Variants in TMEM14B observed in about 807,000 individuals in gnomAD.
TMEM14B encodes transmembrane protein 14B.
A neutral mutation model predicts 14.8 loss-of-function variants in TMEM14B; 9 were observed. The ratio of observed to expected loss-of-function variants is 0.61; its 90% CI spans 0.37 to 1.06. The LOEUF is 1.06. Among genes scored for constraint, TMEM14B ranks in the 50% least tolerant of loss-of-function variants. The probability of loss-of-function intolerance (pLI) is 0.01; values close to 1 mark genes in which losing one functional copy is unlikely to be tolerated. For missense variants in TMEM14B, 128 were observed against 143.6 expected, an observed-to-expected ratio of 0.89 and a Z score of 0.56; for synonymous variants, 40 against 51.3, an observed-to-expected ratio of 0.78 and a Z score of 0.94.
In TMEM14B at chr6:10,756,709, A is replaced by C; in HGVS notation, c.*191A>C. The C allele has an allele frequency of 7.5e-7, 1 of 1,337,968 alleles. No homozygotes were observed. Among genetic ancestry groups the C allele is most frequent in the Non-Finnish European group, 9.6e-7 (1 of 1,043,634 alleles). The allele number at this position is 1,337,968 out of a possible 1,614,324, so 82.9% of individuals were successfully genotyped here. A position where few individuals can be genotyped will look rare whatever the true frequency, so the allele number is the denominator to read the frequency against. ...TTATAACCCTACAGAGGTGGTGAGCATGTAACATGAGCTTATTGAGACCAT... is the reference window on the plus strand; with the variant it reads ...TTATAACCCTACAGAGGTGGTGAGCCTGTAACATGAGCTTATTGAGACCAT... On this transcript the variant is annotated 3_prime_UTR_variant, in exon 6 of 6. Coordinates refer to ENST00000379542, the MANE Select transcript of TMEM14B (RefSeq NM_030969.5).
intron 2 of TMEM14B, 53 bp downstream of exon 2, chr6:10,749,321 G>C (rs1771459764): frequency 6.2e-7 from 1 of 1,607,212 alleles, no homozygotes; most frequent in Non-Finnish European, 8.5e-7. Context: ...GGAAACCAGA[G>C]TTCCTTTCCT....
intron 3 of TMEM14B, 184 bp downstream of exon 3, chr6:10,749,882 T>G: frequency 1.4e-6 from 1 of 703,944 alleles, no homozygotes; most frequent in Non-Finnish European, 2.5e-6. Flanking sequence ...CTGGTGAAGC[T>G]GAGCCAGGCC....
rs767381353 is a variant in TMEM14B at position 10,751,184 on chromosome 6, T to A, written c.152T>A (p.Leu51Gln). 2 of 1,614,006 alleles carry A rather than the reference T, an allele frequency of 1.2e-6. No homozygotes were observed. ...CTGCTCTTCGGCAGTCTAGCCGGCC[T>A]GGGTGCTTACCAGCTGTATCAGGAT... is the stretch of plus-strand genomic sequence containing the variant. The part of the protein sequence containing the change: ...AGLLFGSLAG[L>Q]GAYQLYQDPR... Residue 51 changes from leucine (L) to glutamine (Q), a missense_variant, in exon 4 of 6, where the codon CTG (leucine) becomes CAG (glutamine). By Grantham distance (113) the Leu-to-Gln change is moderately radical. Transcript: ENST00000379542.
chr6:10,754,048 C>A (rs999006856), intron 4 of TMEM14B, among the ~76,000 whole-genome samples: 4 of 152,058 alleles, frequency 2.6e-5, no homozygotes, highest in Non-Finnish European at 4.4e-5. Context: ...CCAAGGCAGG[C>A]GGATTGCCGA....
intron 4 of TMEM14B, 21 bp downstream of exon 4, chr6:10,751,255 C>T (rs548560408): frequency 4.3e-6 from 7 of 1,612,698 alleles, no homozygotes; most frequent in African/African-American, 4.0e-5. Context: ...TTCAGCGTCT[C>T]CTTAGGGCAA....
At chr6:10,748,626 T>C (rs1437805507) in intron 1 of TMEM14B, among the ~76,000 whole-genome samples, 4 of 152,208 alleles carry the variant, frequency 2.6e-5, no homozygotes, top group African/African-American at 7.2e-5. Context: ...CAGAATACTT[T>C]TCTGTAAGAA....
At chr6:10,757,159 CTG>C (rs1561916937), downstream of TMEM14B, among the ~76,000 whole-genome samples, 1 of 151,850 alleles carries the variant, frequency 6.6e-6, no homozygotes, top group Non-Finnish European at 1.5e-5. Context: ...AAAATGATCT[CTG>C]AGGATTTTTT....
chr6:10,756,490 G>C lies in TMEM14B; in HGVS notation c.317G>C (p.Gly106Ala). ...GASLLMAAKVGVRMLMTSD is the reference protein window; with the variant it reads ...GASLLMAAKVAVRMLMTSD ...AGTTTGCTGATGGCCGCCAAAGTTG[G>C]AGTTCGTATGTTGATGACATCTGAT... Residue 106 changes from glycine to alanine, a missense_variant, in exon 6 of 6, where the codon GGA becomes GCA. Physicochemically the swap from Gly to Ala is moderately conservative, Grantham distance 60 (BLOSUM62 0). Coordinates refer to ENST00000379542, the MANE Select transcript of TMEM14B (RefSeq NM_030969.5). The C allele has an allele frequency of 6.2e-7, 1 of 1,613,976 alleles. No individual in the cohort carries two copies. Among genetic ancestry groups the C allele is most frequent in the Non-Finnish European group, 8.5e-7 (1 of 1,179,946 alleles).
chr6:10,748,781 T>C (rs1400424345), intron 1 of TMEM14B, among the ~76,000 whole-genome samples: 1 of 152,152 alleles, frequency 6.6e-6, no homozygotes, highest in Non-Finnish European at 1.5e-5. Context: ...AGTATTGAAA[T>C]TGGCTGTTGC....
chr6:10,753,849 A>G (rs569836012), intron 4 of TMEM14B, among the ~76,000 whole-genome samples: 1 of 151,406 alleles, frequency 6.6e-6, no homozygotes, highest in Admixed American at 6.6e-5. Flanking sequence ...CTGCACAGCC[A>G]TCGTCCTAGT....
chr6:10,748,337 C>T (rs1581609150), intron 1 of TMEM14B, among the ~76,000 whole-genome samples: 1 of 152,250 alleles, frequency 6.6e-6, no homozygotes, highest in East Asian at 1.9e-4. Context: ...CCTCTGCCTC[C>T]TGGGCTCAAG....
At chr6:10,751,566 C>T (rs1771570930) in intron 4 of TMEM14B, among the ~76,000 whole-genome samples, 1 of 152,070 alleles carries the variant, frequency 6.6e-6, no homozygotes. Context: ...CATATTTACC[C>T]AGTAAAGTCA....
At chr6:10,756,419 C>T in intron 5 of TMEM14B, 48 bp from the exon 6 acceptor site, 2 of 1,604,246 alleles carry the variant, frequency 1.2e-6, no homozygotes, top group Non-Finnish European at 8.5e-7. Flanking sequence ...ACATAGTTGC[C>T]TGTTCTATCC....
chr6:10,756,335 C>T, intron 5 of TMEM14B, 132 bp from the exon 6 acceptor site: 2 of 1,006,438 alleles, frequency 2.0e-6, no homozygotes, highest in South Asian at 2.0e-5. Flanking sequence ...GAAATTTTAC[C>T]TCTGACCACT....
intron 4 of TMEM14B, among the ~76,000 whole-genome samples, chr6:10,753,932 T>C (rs1771696954): frequency 1.3e-5 from 2 of 152,174 alleles, no homozygotes; most frequent in Admixed American, 6.5e-5. Context: ...TACCCTCTAG[T>C]TTCCCTGAAG....
intron 4 of TMEM14B, among the ~76,000 whole-genome samples, chr6:10,753,440 A>G (rs569456080): frequency 3.2e-4 from 48 of 151,646 alleles, no homozygotes; most frequent in Non-Finnish European, 5.7e-4. Context: ...ATCATTTTCC[A>G]TTCTCCTGGT....
intron 3 of TMEM14B, among the ~76,000 whole-genome samples, chr6:10,750,421 T>G (rs939281618): frequency 5.8e-5 from 7 of 120,930 alleles, no homozygotes; most frequent in Admixed American, 1.0e-4. Context: ...TCTTTTATAC[T>G]TTGGTTTAGA....
chr6:10,751,045 G>A (rs1471432915), intron 3 of TMEM14B, 88 bp from the exon 4 acceptor site: 12 of 1,520,632 alleles, frequency 7.9e-6, no homozygotes, highest in Non-Finnish European at 1.1e-5. Context: ...TCTTTGTGCT[G>A]TCCTTTGTAG....
At chr6:10,753,820 G>T (rs1410519446) in intron 4 of TMEM14B, among the ~76,000 whole-genome samples, 1 of 152,048 alleles carries the variant, frequency 6.6e-6, no homozygotes, top group Non-Finnish European at 1.5e-5. Context: ...CCCTTATCCT[G>T]AGTTGTCCTC....
Sources: gnomAD v4.1 joint callset for allele counts (sites outside exome capture counted in the v4.1 genomes callset) on GRCh38, gnomAD v4.1.1 for gene constraint, MANE v1.5 for transcripts, NCBI Gene and HGNC (gene_info 2026-07-23, HGNC 2026-07-21) for gene names.